VPS4B: variants seen among roughly 807,000 people sequenced by gnomAD.
The protein encoded by VPS4B is vacuolar protein sorting-associated protein 4B.
VPS4B carries 23 observed loss-of-function variants against 56.1 expected under a neutral mutation model. The ratio of observed to expected loss-of-function variants is 0.41; its 90% CI spans 0.30 to 0.58. The LOEUF (loss-of-function observed/expected upper bound fraction) is 0.58. Among genes scored for constraint, VPS4B ranks in the 20% least tolerant of loss-of-function variants. The probability of loss-of-function intolerance (pLI) is 0.29; values close to 1 mark genes in which losing one functional copy is unlikely to be tolerated. For missense variants in VPS4B, 372 were observed against 531.9 expected (o/e 0.70, Z 2.96); for synonymous variants, 177 against 186.0 (o/e 0.95, Z 0.39).
At position 63,422,422 on chromosome 18, in the gene VPS4B, TCTCCACCAGAGCTCCGACC is replaced by T; in HGVS notation, c.-182_-164del. 3.7e-6 allele frequency: 2 copies of T among 533,760 alleles called. No individual in the cohort carries two copies. Among genetic ancestry groups the T allele is most frequent in the Non-Finnish European group, 6.0e-6 (2 of 330,884 alleles). 33.1% of individuals were successfully genotyped at this position (533,760 alleles called of 1,614,324 possible). A position where few individuals can be genotyped will look rare whatever the true frequency, so the allele number is the denominator to read the frequency against. On this transcript the variant is annotated 5_prime_UTR_variant, in exon 1 of 11. Coordinates refer to ENST00000238497, the MANE Select transcript of VPS4B (RefSeq NM_004869.4). ...CCGGAACTTGTTTTAGACAACACTC[TCTCCACCAGAGCTCCGACC>T]CTCCCCACCAAACTTCCGCAATCCC...
At chr18:63,402,114 T>C (rs11152382) in intron 5 of VPS4B, among the ~76,000 whole-genome samples, 75,961 of 152,100 alleles carry the variant, frequency 0.5, 19,558 homozygotes, top group East Asian at 0.87. Context: ...TTAACTGTTA[T>C]GAAAGCAACT....
chr18:63,408,955 GC>G (rs1915975517), intron 3 of VPS4B, among the ~76,000 whole-genome samples: 1 of 152,194 alleles, frequency 6.6e-6, no homozygotes, highest in East Asian at 1.9e-4. Context: ...CTCAGTGACA[GC>G]TGGAGGTCCT....
intron 5 of VPS4B, 47 bp downstream of exon 5, chr18:63,403,660 G>C (rs770136203): frequency 6.4e-7 from 1 of 1,550,834 alleles, no homozygotes; most frequent in Non-Finnish European, 8.7e-7. Context: ...AGTCATCAAT[G>C]AACTTTTACA....
rs1915528744 is a variant in VPS4B, at chr18:63,390,694, T to G, written c.*281A>C. 1 of 187,220 alleles carries G rather than the reference T, an allele frequency of 5.3e-6. No individual in the cohort carries two copies. Among genetic ancestry groups the G allele is most frequent in the Non-Finnish European group, 1.1e-5 (1 of 91,640 alleles). The allele number at this position is 187,220 out of a possible 1,614,324, so 11.6% of individuals were successfully genotyped here. ...TTCATAAAAATTGTAAATATTTGTATGTCAATTTCTGACATCCTTTTTACT... is the reference window on the plus strand; with the variant it reads ...TTCATAAAAATTGTAAATATTTGTAGGTCAATTTCTGACATCCTTTTTACT... On this transcript the variant is annotated 3_prime_UTR_variant, in exon 11 of 11. Transcript: ENST00000238497.
At position 63,398,190 on chromosome 18, in the gene VPS4B, T is replaced by TACAC. The variant is rs967159935; in HGVS notation, c.873-941_873-938dup. ...ATATACATATACACATATACATATA[T>TACAC]ACACACACACACACATATATATATA... is the stretch of plus-strand genomic sequence containing the variant. On this transcript the variant is annotated intron_variant, in intron 8 of 10. Transcript: ENST00000238497. Among the ~76,000 whole-genome samples, 579 of 132,734 alleles carry TACAC rather than the reference T, an allele frequency of 4.4e-3. 9 individuals are homozygous for TACAC. The highest frequency in any genetic ancestry group is 0.017 in the African/African-American group (558 of 33,338). The allele number at this position is 132,734 out of a possible 152,430, so 87.1% of individuals were successfully genotyped here. A position where few individuals can be genotyped will look rare whatever the true frequency, so the allele number is the denominator to read the frequency against.
Position 63,393,414 on chromosome 18 carries a change from A to G in VPS4B, c.1228T>C (p.Ser410Pro). The change falls in exon 10 of 11, where the codon TCC becomes CCC. Residue 410 changes from serine (S) to proline (P), a missense_variant. This residue lies in a region of VPS4B where 153 missense variants were observed against 190.9 expected (regional missense o/e 0.80). Transcript: ENST00000238497. The part of the protein sequence containing the change: ...PGDKLLEPVV[S>P]MSDMLRSLSN... ...AAACAAACAAAATTTCAAACCATGG[A>G]AACAACTGGCTCCAAAAGTTTATCT... The G allele has an allele frequency of 2.5e-6, 4 of 1,589,282 alleles. No individual in the cohort carries two copies. Among genetic ancestry groups the G allele is most frequent in the Non-Finnish European group, 3.4e-6 (4 of 1,171,362 alleles).
At chr18:63,399,746 G>A (rs917889186) in intron 7 of VPS4B, among the ~76,000 whole-genome samples, 2 of 151,636 alleles carry the variant, frequency 1.3e-5, no homozygotes, top group Non-Finnish European at 2.9e-5. Flanking sequence ...AAGACAATTG[G>A]AATGAAACAT....
intron 1 of VPS4B, among the ~76,000 whole-genome samples, chr18:63,418,390 G>A (rs1413839708): frequency 6.6e-6 from 1 of 152,002 alleles, no homozygotes; most frequent in African/African-American, 2.4e-5. Context: ...TGGCTGTCAT[G>A]ACACCATTTT....
intron 1 of VPS4B, among the ~76,000 whole-genome samples, chr18:63,414,407 G>A (rs1475560170): frequency 6.6e-6 from 1 of 152,052 alleles, no homozygotes; most frequent in African/African-American, 2.4e-5. Flanking sequence ...AAGCCTCAGT[G>A]GTTAAGCCAC....
In VPS4B at chr18:63,396,776, G is replaced by C. The variant is rs368450936; in HGVS notation, c.1092+258C>G. 3.0e-4 allele frequency: 121 copies of C among 399,054 alleles called. 1 individual carries two copies. Among genetic ancestry groups the C allele is most frequent in the African/African-American group, 2.1e-3 (102 of 48,552 alleles). 24.7% of individuals were successfully genotyped at this position (399,054 alleles called of 1,614,324 possible). A position where few individuals can be genotyped will look rare whatever the true frequency, so the allele number is the denominator to read the frequency against. ...GGCCGAGGTGGGTGGATCACCTGGAGTCAGGAGTTCGAGACCAGCCTGGCC... is the reference window on the plus strand; with the variant it reads ...GGCCGAGGTGGGTGGATCACCTGGACTCAGGAGTTCGAGACCAGCCTGGCC... On this transcript the variant is annotated intron_variant, in intron 9 of 10. Coordinates refer to ENST00000238497, the MANE Select transcript of VPS4B (RefSeq NM_004869.4).
Position 63,399,216 on chromosome 18 carries a change from A to G in VPS4B, c.872+26T>C, listed in dbSNP as rs774550466. The G allele has an allele frequency of 1.8e-5, 28 of 1,564,738 alleles. No homozygotes were observed. In the South Asian group the frequency reaches 2.3e-4, roughly 13 times the overall value. On this transcript the variant is annotated intron_variant, in intron 8 of 10. Transcript: ENST00000238497. ...CTACTTGTTACATCTGCAGTGAGAA[A>G]TAAGATATTTACTATATTATCCTAC...
intron 5 of VPS4B, 40 bp downstream of exon 5, chr18:63,403,667 T>A: frequency 1.3e-6 from 2 of 1,567,262 alleles, no homozygotes; most frequent in South Asian, 2.4e-5. Flanking sequence ...AATGAACTTT[T>A]ACAAACTCAT....
intron 4 of VPS4B, among the ~76,000 whole-genome samples, chr18:63,405,161 A>G (rs1351640654): frequency 1.3e-5 from 2 of 152,128 alleles, no homozygotes; most frequent in Non-Finnish European, 2.9e-5. Flanking sequence ...CATACTAGAC[A>G]TGGTTTGCAA....
chr18:63,413,475 G>A (rs1171806651), intron 1 of VPS4B, among the ~76,000 whole-genome samples: 1 of 150,208 alleles, frequency 6.7e-6, no homozygotes, highest in Non-Finnish European at 1.5e-5. Flanking sequence ...GGAGGCGGTG[G>A]TTGCAGTGAG....
At chr18:63,412,215 TAA>T (rs1270450693) in intron 1 of VPS4B, among the ~76,000 whole-genome samples, 1 of 152,080 alleles carries the variant, frequency 6.6e-6, no homozygotes, top group African/African-American at 2.4e-5. Context: ...AAAATAACAT[TAA>T]GAAATATTTG....
intron 1 of VPS4B, chr18:63,416,261 C>T: frequency 4.7e-6 from 1 of 213,186 alleles, no homozygotes. Flanking sequence ...TATACAGGAG[C>T]CCTGTTCCTG....
chr18:63,392,224 T>C (rs1915564059), intron 10 of VPS4B, among the ~76,000 whole-genome samples: 1 of 152,242 alleles, frequency 6.6e-6, no homozygotes, highest in African/African-American at 2.4e-5. Context: ...TGTTCTTCTG[T>C]AAGTAAACAA....
At chr18:63,398,757 C>T (rs1402901046) in intron 8 of VPS4B, among the ~76,000 whole-genome samples, 2 of 151,412 alleles carry the variant, frequency 1.3e-5, no homozygotes, top group Non-Finnish European at 2.9e-5. Flanking sequence ...ATCACTTGAA[C>T]CCGGGAGGTG....
intron 1 of VPS4B, chr18:63,416,234 G>A (rs999222593): frequency 1.4e-5 from 3 of 210,504 alleles, no homozygotes; most frequent in Admixed American, 4.4e-5. Flanking sequence ...CTTATTCATG[G>A]CCCGGACTAC....
Sources: allele counts gnomAD v4.1 joint callset (sites outside exome capture counted in the v4.1 genomes callset), GRCh38; gene constraint gnomAD v4.1.1; regional missense constraint gnomAD v4.1.1; transcripts MANE v1.5; gene names NCBI Gene and HGNC (gene_info 2026-07-23, HGNC 2026-07-21).